CYP2S1: variants seen among roughly 807,000 people sequenced by gnomAD.
The protein encoded by CYP2S1 is cytochrome P450 family 2 subfamily S member 1.
In CYP2S1, 32 loss-of-function variants were observed where a neutral mutation model predicts 43.5. That is an observed-to-expected ratio of 0.74 (90% CI 0.56 to 0.99). CYP2S1 has a LOEUF of 0.99. CYP2S1 is among the 50% of genes least tolerant of loss of function. The pLI is 0.00. For synonymous variants in CYP2S1, 283 were observed against 302.9 expected, an observed-to-expected ratio of 0.93 and a Z score of 0.68; for missense variants, 575 against 673.9, an observed-to-expected ratio of 0.85 and a Z score of 1.62.
intron 1 of CYP2S1, chr19:41,193,666 G>A (rs1273055493): frequency 4.7e-6 from 4 of 854,990 alleles, no homozygotes; most frequent in Admixed American, 4.1e-5. Flanking sequence ...GGGGGACCAG[G>A]GCTAGGAGGG....
chr19:41,194,445 G>T, intron 1 of CYP2S1, 99 bp from the exon 2 acceptor site: 2 of 1,432,608 alleles, frequency 1.4e-6, no homozygotes. Flanking sequence ...GGGCGTAGAA[G>T]CTAGACCCGG....
chr19:41,205,519 C>T (rs2033563959), intron 7 of CYP2S1, among the ~76,000 whole-genome samples: 1 of 149,432 alleles, frequency 6.7e-6, no homozygotes, highest in African/African-American at 2.5e-5. Context: ...TCCTGTCTTC[C>T]TCTCTTTCTC....
intron 7 of CYP2S1, among the ~76,000 whole-genome samples, chr19:41,205,334 C>CTTTT (rs1281278788): frequency 9.9e-6 from 1 of 101,076 alleles, no homozygotes. Flanking sequence ...GCCTTTCTTT[C>CTTTT]TTTCTTTTTT....
At chr19:41,204,544 A>G (rs2122167660) in intron 7 of CYP2S1, among the ~76,000 whole-genome samples, 1 of 151,054 alleles carries the variant, frequency 6.6e-6, no homozygotes, top group South Asian at 2.1e-4. Context: ...AACCTATGGC[A>G]GTTAGGATCC....
At chr19:41,201,159 A>C in intron 5 of CYP2S1, 72 bp from the exon 6 acceptor site, 2 of 1,548,728 alleles carry the variant, frequency 1.3e-6, no homozygotes, top group Non-Finnish European at 1.7e-6. Context: ...TTCCGACCCC[A>C]GGCTTGGCTG....
In CYP2S1 at chr19:41,203,553, G is replaced by T. The variant is rs776293608; in HGVS notation, c.1080G>T (p.Ala360=). ...LPYTDAVLHE[A]QRLLALVPMG... ...ACACCGACGCGGTTCTGCATGAGGC[G>T]CAGCGGCTGCTGGCGCTGGTGCCCA... The change falls in exon 7 of 9, where the codon GCG becomes GCT. Residue 360 remains alanine, a synonymous_variant. Coordinates refer to ENST00000310054, the MANE Select transcript of CYP2S1 (RefSeq NM_030622.8). 6.3e-7 allele frequency: 1 copy of T among 1,584,448 alleles called. No homozygotes were observed. Among genetic ancestry groups the T allele is most frequent in the Non-Finnish European group, 8.6e-7 (1 of 1,165,654 alleles).
In CYP2S1 at chr19:41,206,690, AACT is replaced by A; in HGVS notation, c.*205_*207del. 1.3e-6 allele frequency: 1 copy of A among 786,388 alleles called. No individual in the cohort carries two copies. The highest frequency in any genetic ancestry group is 2.3e-6 in the Non-Finnish European group (1 of 438,540). 48.7% of individuals were successfully genotyped at this position (786,388 alleles called of 1,614,324 possible). A position where few individuals can be genotyped will look rare whatever the true frequency, so the allele number is the denominator to read the frequency against. On this transcript the variant is annotated 3_prime_UTR_variant, in exon 9 of 9. Transcript: ENST00000310054. ...GATGCACAACCGCACACCCATACAC[AACT>A]ACAAGGGCCACAAAGCAACTGCTGG...
In CYP2S1 at chr19:41,198,350, GTCCA is replaced by G; in HGVS notation, c.494-105_494-102del. 7.2e-7 allele frequency: 1 copy of G among 1,391,890 alleles called. No individual in the cohort carries two copies. The highest frequency in any genetic ancestry group is 1.3e-5 in the South Asian group (1 of 77,134). The allele number at this position is 1,391,890 out of a possible 1,614,324, so 86.2% of individuals were successfully genotyped here. The stretch of plus-strand genomic sequence containing the variant: ...GCCTGTTTAGCTCTCTCCCTGCGCT[GTCCA>G]TCCATCTTTCCCTGCCTCCCTGTCT... On this transcript the variant is annotated intron_variant, in intron 3 of 8. Coordinates refer to ENST00000310054, the MANE Select transcript of CYP2S1 (RefSeq NM_030622.8). This position sits in a 1 kb window ranked among gnomAD's most constrained non-coding sequence, Gnocchi z 4.9.
intron 6 of CYP2S1, among the ~76,000 whole-genome samples, chr19:41,201,972 G>T (rs1365982011): frequency 6.6e-6 from 1 of 151,768 alleles, no homozygotes; most frequent in Admixed American, 6.6e-5. Context: ...GGTCAAATTG[G>T]TTTTTTATTT....
intron 7 of CYP2S1, among the ~76,000 whole-genome samples, chr19:41,204,257 C>T (rs1037749819): frequency 2.0e-5 from 3 of 152,152 alleles, no homozygotes; most frequent in Non-Finnish European, 4.4e-5. Flanking sequence ...CCACAGATCT[C>T]CCAATTCTAC....
intron 7 of CYP2S1, among the ~76,000 whole-genome samples, chr19:41,205,350 C>CTTTCTTTCTTTCTTTCTT (rs2033552664): frequency 1.9e-5 from 2 of 105,022 alleles, no homozygotes; most frequent in African/African-American, 6.7e-5. Flanking sequence ...TTTTTTCTTT[C>CTTTCTTTCTTTCTTTCTT]TTTCTTTCTT....
At chr19:41,205,753 C>A (rs1381809173) in intron 7 of CYP2S1, among the ~76,000 whole-genome samples, 5 of 151,992 alleles carry the variant, frequency 3.3e-5, no homozygotes, top group African/African-American at 9.7e-5. Context: ...AACTCCTGGG[C>A]TCAAATGCTT....
At chr19:41,204,065 G>T (rs1172621105) in intron 7 of CYP2S1, among the ~76,000 whole-genome samples, 1 of 152,084 alleles carries the variant, frequency 6.6e-6, no homozygotes, top group Non-Finnish European at 1.5e-5. Flanking sequence ...GTTTCATTAT[G>T]TTGGTCAGGC....
intron 5 of CYP2S1, 139 bp downstream of exon 5, chr19:41,199,027 G>A: frequency 9.5e-7 from 1 of 1,052,420 alleles, no homozygotes; most frequent in South Asian, 1.7e-5. Flanking sequence ...GAGTGTCTCT[G>A]TGCATGTGTG....
intron 6 of CYP2S1, among the ~76,000 whole-genome samples, chr19:41,202,628 G>A (rs928286249): frequency 2.0e-5 from 3 of 151,356 alleles, no homozygotes; most frequent in Admixed American, 1.3e-4. Context: ...TGTCTCTACC[G>A]AAAATAGAAA....
At position 41,195,885 on chromosome 19, in the gene CYP2S1, AAAAC is replaced by A. The variant is rs751828595; in HGVS notation, c.343+1192_343+1195del. Among the ~76,000 whole-genome samples, 9 of 152,096 alleles carry A rather than the reference AAAAC, an allele frequency of 5.9e-5. No homozygotes were observed. In the South Asian group the frequency reaches 8.3e-4, roughly 14 times the overall value. ...CAACATGGTGAGACCCTGCCTCCAC[AAAAC>A]AAACAAACAAACAAAAAATCATTAT... On this transcript the variant is annotated intron_variant, in intron 2 of 8. Transcript: ENST00000310054.
At chr19:41,196,072 A>T (rs2122153204) in intron 2 of CYP2S1, among the ~76,000 whole-genome samples, 1 of 152,194 alleles carries the variant, frequency 6.6e-6, no homozygotes, top group East Asian at 1.9e-4. Flanking sequence ...AACACAGGGC[A>T]CAGGCATATG....
At chr19:41,201,839 G>A (rs986933246) in intron 6 of CYP2S1, among the ~76,000 whole-genome samples, 1 of 152,072 alleles carries the variant, frequency 6.6e-6, no homozygotes, top group Non-Finnish European at 1.5e-5. Context: ...GTTGCTGATT[G>A]CAGTATGAGG....
intron 7 of CYP2S1, among the ~76,000 whole-genome samples, chr19:41,204,445 C>A (rs1056299118): frequency 6.6e-6 from 1 of 152,058 alleles, no homozygotes; most frequent in African/African-American, 2.4e-5. Context: ...AGAGCAGCTC[C>A]GATGCAGAAC....
Sources: allele counts gnomAD v4.1 joint callset (sites outside exome capture counted in the v4.1 genomes callset), GRCh38; gene constraint gnomAD v4.1.1; non-coding constraint Gnocchi (gnomAD v3.1); transcripts MANE v1.5; gene names NCBI Gene and HGNC (gene_info 2026-07-23, HGNC 2026-07-21).